The following MGAT3 variants were observed in gnomAD, a reference collection of about 807,000 sequenced individuals.
The protein encoded by MGAT3 is beta-1,4-mannosyl-glycoprotein 4-beta-N-acetylglucosaminyltransferase.
In MGAT3, 9 loss-of-function variants were observed where a neutral mutation model predicts 29.8. That is an observed-to-expected ratio of 0.30 (90% CI 0.18 to 0.53). The LOEUF (loss-of-function observed/expected upper bound fraction) is 0.53, where lower values mean the gene tolerates loss of function less well. Among genes scored for constraint, MGAT3 ranks in the 20% least tolerant of loss-of-function variants. MGAT3 has a pLI of 0.96. For synonymous variants in MGAT3, 397 were observed against 348.9 expected (o/e 1.14, Z -1.54); for missense variants, 557 against 769.5 (o/e 0.72, Z 3.27).
intron 1 of MGAT3, among the ~76,000 whole-genome samples, chr22:39,478,400 C>T (rs944925068): frequency 1.3e-5 from 2 of 152,222 alleles, no homozygotes; most frequent in Non-Finnish European, 2.9e-5. Flanking sequence ...GAGGAGTGCC[C>T]AGTGGCTGTC....
In MGAT3 at chr22:39,488,895, G is replaced by A. The variant is rs781313843; in HGVS notation, c.1548G>A (p.Arg516=). 6.2e-7 allele frequency: 1 copy of A among 1,600,950 alleles called. No homozygotes were observed. Among genetic ancestry groups the A allele is most frequent in the Non-Finnish European group, 8.5e-7 (1 of 1,174,438 alleles). The change falls in exon 2 of 2, where the codon AGG becomes AGA. Residue 516 remains arginine, a synonymous_variant. Transcript: ENST00000341184. Reference sequence around the variant, plus strand: ...CGGCGGCGGGCGGGTGGCGCCACAGGGGTCCCGAGGGAAGGCCGCCCGCCC... The same window carrying A: ...CGGCGGCGGGCGGGTGGCGCCACAGAGGTCCCGAGGGAAGGCCGCCCGCCC... ...RSTAAGGWRH[R]GPEGRPPARG... is the part of the protein sequence containing the mutation.
intron 1 of MGAT3, among the ~76,000 whole-genome samples, chr22:39,479,271 T>C (rs1433181796): frequency 6.6e-6 from 1 of 152,214 alleles, no homozygotes; most frequent in East Asian, 1.9e-4. Context: ...CCCAGGAGTT[T>C]GTGGCTGCAG....
At position 39,488,697 on chromosome 22, in the gene MGAT3, G is replaced by A. The variant is rs767178255; in HGVS notation, c.1350G>A (p.Arg450=). 1.1e-4 allele frequency: 171 copies of A among 1,613,766 alleles called. No individual in the cohort carries two copies. Among genetic ancestry groups the A allele is most frequent in the Non-Finnish European group, 1.2e-4 (139 of 1,180,028 alleles). The change falls in exon 2 of 2, where the codon CGG becomes CGA. Residue 450 remains arginine, a synonymous_variant. Transcript: ENST00000341184. ...FPRWGDYEDK[R]DLNYIRGLIR... ...GCTGGGGTGACTACGAGGACAAGCG[G>A]GACCTGAACTACATCCGCGGCCTGA... is the stretch of plus-strand genomic sequence containing the variant.
chr22:39,486,938 G>A (rs1316397522), intron 1 of MGAT3, among the ~76,000 whole-genome samples: 5 of 152,204 alleles, frequency 3.3e-5, no homozygotes, highest in African/African-American at 7.2e-5. Context: ...GGACCCAGGA[G>A]GGCAGCCTAC....
intron 1 of MGAT3, among the ~76,000 whole-genome samples, chr22:39,482,702 G>T (rs1018981180): frequency 2.0e-5 from 3 of 152,260 alleles, no homozygotes; most frequent in Non-Finnish European, 2.9e-5. Context: ...GCAGCTGCAA[G>T]TGAAGGAGTC....
rs375895256 is a variant in MGAT3, at chr22:39,488,034, C to T, written c.687C>T (p.Gly229=). 4.3e-6 allele frequency: 7 copies of T among 1,613,256 alleles called. No individual in the cohort carries two copies. The highest frequency in any genetic ancestry group is 1.3e-5 in the African/African-American group (1 of 75,048). Residue 229 remains glycine (G), a synonymous_variant, in exon 2 of 2, where the codon GGC becomes GGT. Transcript: ENST00000341184. ...TGGACGTGCGCTTCCACGAGCTGGG[C>T]GACGTGGTGGACGCCTTTGTGGTGT... is the stretch of plus-strand genomic sequence containing the variant. The part of the protein sequence containing the change: ...DLLDVRFHEL[G]DVVDAFVVCE...
chr22:39,486,379 G>A, intron 1 of MGAT3: 1 of 237,376 alleles, frequency 4.2e-6, no homozygotes, highest in Non-Finnish European at 8.5e-6. Flanking sequence ...TCCTGACCTT[G>A]TGATCTGCCC....
At chr22:39,473,984 C>T (rs1928882753) in intron 1 of MGAT3, among the ~76,000 whole-genome samples, 1 of 151,984 alleles carries the variant, frequency 6.6e-6, no homozygotes, top group East Asian at 1.9e-4. Flanking sequence ...CTGGGCCTCA[C>T]CTTGGAGTTT....
chr22:39,458,276 T>C (rs1390830648), intron 1 of MGAT3, among the ~76,000 whole-genome samples: 2 of 151,800 alleles, frequency 1.3e-5, no homozygotes, highest in Admixed American at 1.3e-4. Context: ...GTTCCTGAGC[T>C]GGGGTGCAGC....
intron 1 of MGAT3, among the ~76,000 whole-genome samples, chr22:39,458,112 A>C (rs1049855473): frequency 6.6e-6 from 1 of 151,900 alleles, no homozygotes; most frequent in African/African-American, 2.4e-5. Flanking sequence ...GCCCCCGGCC[A>C]TTTACCGGGG....
rs148443488 is a variant in MGAT3 at position 39,483,892 on chromosome 22, C to T, written c.-1-3455C>T. Reference sequence around the variant, plus strand: ...TGCCCGCAGTCAGCTGTGCCCACTCCGTGTGGACAGCTCCAGGGGGGCAGG... The same window carrying T: ...TGCCCGCAGTCAGCTGTGCCCACTCTGTGTGGACAGCTCCAGGGGGGCAGG... On this transcript the variant is annotated intron_variant, in intron 1 of 1. Coordinates refer to ENST00000341184, the MANE Select transcript of MGAT3 (RefSeq NM_002409.5). Among the ~76,000 whole-genome samples, 603 of 152,338 alleles carry T rather than the reference C, an allele frequency of 4.0e-3. 3 individuals carry two copies. Among genetic ancestry groups the T allele is most frequent in the African/African-American group, 0.013 (552 of 41,582 alleles).
chr22:39,465,184 C>T (rs1205858431), intron 1 of MGAT3, among the ~76,000 whole-genome samples: 1 of 152,204 alleles, frequency 6.6e-6, no homozygotes, highest in Non-Finnish European at 1.5e-5. Context: ...ATGCTCTGAA[C>T]TGGGGGCAGG....
At chr22:39,459,938 T>C (rs764348434) in intron 1 of MGAT3, among the ~76,000 whole-genome samples, 11 of 152,162 alleles carry the variant, frequency 7.2e-5, no homozygotes, top group Non-Finnish European at 1.2e-4. Flanking sequence ...GCCATGAGAA[T>C]CACGAGAGGG....
At chr22:39,482,101 A>G (rs1298721943) in intron 1 of MGAT3, among the ~76,000 whole-genome samples, 1 of 151,496 alleles carries the variant, frequency 6.6e-6, no homozygotes, top group Non-Finnish European at 1.5e-5. Flanking sequence ...CTACAGGCAC[A>G]TAGTAGTTCT....
At chr22:39,466,338 T>C (rs760715) in intron 1 of MGAT3, among the ~76,000 whole-genome samples, 46,629 of 151,906 alleles carry the variant, frequency 0.31, 8,005 homozygotes, top group East Asian at 0.8. Context: ...AGCAAGTGGA[T>C]CTGCGGCAGG....
In MGAT3 at chr22:39,457,237, C is replaced by CCGCGCCCCCCG. The variant is rs1192729381; in HGVS notation, c.-314_-304dup. The CCGCGCCCCCCG allele has an allele frequency of 1.4e-3, 211 of 145,606 alleles. 1 individual carries two copies. The highest frequency in any genetic ancestry group is 7.1e-3 in the Middle Eastern group (2 of 280). The allele number at this position is 145,606 out of a possible 1,614,324, so 9.0% of individuals were successfully genotyped here. On this transcript the variant is annotated 5_prime_UTR_variant, in exon 1 of 2. Coordinates refer to ENST00000341184, the MANE Select transcript of MGAT3 (RefSeq NM_002409.5). The surrounding 1 kb of genome is among the most constrained non-coding windows in gnomAD (Gnocchi z 6.8). ...CTGCGCGCCGCGCTCGGCCTCGCCT[C>CCGCGCCCCCCG]CGCGCCCCCCGCGCGCCCGCCGCGG...
chr22:39,475,727 A>G (rs1254257194), intron 1 of MGAT3: 1 of 152,434 alleles, frequency 6.6e-6, no homozygotes, highest in African/African-American at 2.4e-5. Context: ...GGCACGATGG[A>G]CCCGGTTGAC....
Position 39,488,883 on chromosome 22 carries a change from G to T in MGAT3, c.1536G>T (p.Gly512=). The T allele has an allele frequency of 6.3e-7, 1 of 1,599,690 alleles. No individual in the cohort carries two copies. The highest frequency in any genetic ancestry group is 8.5e-7 in the Non-Finnish European group (1 of 1,173,842). The change falls in exon 2 of 2, where the codon GGG becomes GGT. Residue 512 remains glycine, a synonymous_variant. Coordinates refer to ENST00000341184, the MANE Select transcript of MGAT3 (RefSeq NM_002409.5). ...AGCCCAGGAGCACGGCGGCGGGCGG[G>T]TGGCGCCACAGGGGTCCCGAGGGAA... ...YQEPRSTAAG[G]WRHRGPEGRP...
At chr22:39,472,387 G>A (rs1249128210) in intron 1 of MGAT3, among the ~76,000 whole-genome samples, 3 of 152,188 alleles carry the variant, frequency 2.0e-5, no homozygotes, top group Non-Finnish European at 4.4e-5. Context: ...CATGCATATA[G>A]TGTTCCTTGG....
Sources: allele counts gnomAD v4.1 joint callset (sites outside exome capture counted in the v4.1 genomes callset), GRCh38; gene constraint gnomAD v4.1.1; non-coding constraint Gnocchi (gnomAD v3.1); transcripts MANE v1.5; gene names NCBI Gene and HGNC (gene_info 2026-07-23, HGNC 2026-07-21).